Variants in NCAPD3 observed in about 807,000 individuals in gnomAD.
NCAPD3 encodes the protein condensin-2 complex subunit D3.
NCAPD3 carries 105 observed loss-of-function variants against 182.9 expected under a neutral mutation model. The ratio of observed to expected loss-of-function variants is 0.57; its 90% CI spans 0.49 to 0.68. The LOEUF is 0.68. NCAPD3 is among the 30% of genes least tolerant of loss of function. The pLI is 0.00. For missense variants in NCAPD3, 1,944 were observed against 1,837.0 expected, an observed-to-expected ratio of 1.06 and a Z score of -1.07; for synonymous variants, 815 against 679.9, an observed-to-expected ratio of 1.20 and a Z score of -3.09.
intron 25 of NCAPD3, 75 bp from the exon 26 acceptor site, chr11:134,168,677 C>A (rs1943930689): frequency 6.3e-7 from 1 of 1,582,106 alleles, no homozygotes. Flanking sequence ...ACTTTAACTG[C>A]ATCCTAAAAG....
chr11:134,191,278 TAAG>T (rs1381305280), intron 16 of NCAPD3, among the ~76,000 whole-genome samples: 1 of 152,018 alleles, frequency 6.6e-6, no homozygotes, highest in Admixed American at 6.5e-5. Flanking sequence ...CACTGGAAAA[TAAG>T]AAGAGTTGCC....
At chr11:134,196,944 G>A (rs1328565897) in intron 13 of NCAPD3, among the ~76,000 whole-genome samples, 1 of 152,156 alleles carries the variant, frequency 6.6e-6, no homozygotes, top group African/African-American at 2.4e-5. Context: ...ACCTCATGTT[G>A]AACTGTAACA....
chr11:134,171,286 ATTACCTTATTACAGCCTTGTAAAAAGAAG>A (rs1248045130), intron 24 of NCAPD3, among the ~76,000 whole-genome samples: 1 of 152,226 alleles, frequency 6.6e-6, no homozygotes, highest in Non-Finnish European at 1.5e-5. Flanking sequence ...AATCTGAGTG[ATTACCTTATTACAGCCTTGTAAAAAGAAG>A]TTATTACTCT....
chr11:134,225,341 G>A, upstream of NCAPD3: 1 of 1,613,692 alleles, frequency 6.2e-7, no homozygotes, highest in Non-Finnish European at 8.5e-7. Flanking sequence ...TCATCGGGCA[G>A]ATCGGTGAGT....
chr11:134,161,306 G>A (rs769131990), intron 28 of NCAPD3, among the ~76,000 whole-genome samples: 3 of 152,168 alleles, frequency 2.0e-5, no homozygotes, highest in Non-Finnish European at 4.4e-5. Flanking sequence ...AGCTCCTCAT[G>A]GTCCCCTTGC....
intron 27 of NCAPD3, among the ~76,000 whole-genome samples, chr11:134,163,088 T>C (rs1178378343): frequency 6.6e-6 from 1 of 151,856 alleles, no homozygotes; most frequent in African/African-American, 2.4e-5. Flanking sequence ...GAGGTGAGGA[T>C]GGAGGGAGGT....
intron 31 of NCAPD3, among the ~76,000 whole-genome samples, chr11:134,157,668 A>G (rs547851922): frequency 6.6e-6 from 1 of 152,292 alleles, no homozygotes; most frequent in South Asian, 2.1e-4. Flanking sequence ...ACAAAACAAA[A>G]CACGTGTGTG....
chr11:134,165,589 T>A (rs902754219), intron 27 of NCAPD3, among the ~76,000 whole-genome samples: 2 of 143,792 alleles, frequency 1.4e-5, no homozygotes, highest in African/African-American at 2.6e-5. Flanking sequence ...AGGGGCACAC[T>A]AGTGAGATGA....
intron 24 of NCAPD3, among the ~76,000 whole-genome samples, chr11:134,171,935 A>C (rs1452958749): frequency 1.3e-5 from 2 of 152,134 alleles, no homozygotes; most frequent in African/African-American, 2.4e-5. Context: ...TTCACCCACC[A>C]AATGTTCACG....
rs1944577400 is a variant in NCAPD3, at chr11:134,194,052, C to A, written c.1788G>T (p.Arg596=). 6.2e-7 allele frequency: 1 copy of A among 1,614,066 alleles called. No homozygotes were observed. The highest frequency in any genetic ancestry group is 1.3e-5 in the African/African-American group (1 of 74,938). ...DQCRDPAVSV[R]KQALQSLTEL... ...CAGTAAGAGACTGGAGGGCCTGCTT[C>A]CGGACAGACACTGCAGGGTCCCGAC... Residue 596 remains arginine (R), a synonymous_variant, in exon 15 of 35, where the codon CGG becomes CGT. Transcript: ENST00000534548.
At chr11:134,159,864 G>T in intron 29 of NCAPD3, 28 bp downstream of exon 29, 1 of 1,599,356 alleles carries the variant, frequency 6.3e-7, no homozygotes, top group Non-Finnish European at 8.5e-7. Flanking sequence ...GGACTGTCTG[G>T]TCACAGTGCA....
chr11:134,205,765 T>C (rs952076467), intron 8 of NCAPD3, among the ~76,000 whole-genome samples: 7 of 152,250 alleles, frequency 4.6e-5, no homozygotes, highest in African/African-American at 1.7e-4. Context: ...GCGACTGGCA[T>C]ATGAGAAACT....
At chr11:134,184,044 T>C (rs1344162005) in intron 19 of NCAPD3, among the ~76,000 whole-genome samples, 1 of 152,244 alleles carries the variant, frequency 6.6e-6, no homozygotes, top group East Asian at 1.9e-4. Flanking sequence ...AATTATTTCT[T>C]CAGTTACTGG....
chr11:134,196,207 T>C (rs911290494), intron 13 of NCAPD3, among the ~76,000 whole-genome samples: 1 of 152,202 alleles, frequency 6.6e-6, no homozygotes, highest in Non-Finnish European at 1.5e-5. Flanking sequence ...AAAGGAATAC[T>C]ATGAACAATT....
At chr11:134,225,309 C>T, upstream of NCAPD3, 2 of 1,614,052 alleles carry the variant, frequency 1.2e-6, no homozygotes, top group Admixed American at 1.7e-5. Flanking sequence ...GCGGCTGGAG[C>T]ACCAGGGCAT....
upstream of NCAPD3, chr11:134,224,166 G>A (rs1016196974): frequency 5.1e-6 from 3 of 594,044 alleles, no homozygotes; most frequent in East Asian, 2.8e-5. Flanking sequence ...CCGCTAATTC[G>A]TTCGAGAAGG....
In NCAPD3 at chr11:134,171,966, G is replaced by A. The variant is rs183917805; in HGVS notation, c.3102-2912C>T. On this transcript the variant is annotated intron_variant, in intron 24 of 34. Coordinates refer to ENST00000534548, the MANE Select transcript of NCAPD3 (RefSeq NM_015261.3). ...TCACGGCATGTCTGCTTGGTTTCGTGTTCCTTTTCTAGGGATGCGGAACAA... is the reference window on the plus strand; with the variant it reads ...TCACGGCATGTCTGCTTGGTTTCGTATTCCTTTTCTAGGGATGCGGAACAA... 6.5e-4 allele frequency among the ~76,000 whole-genome samples: 99 copies of A among 152,284 alleles called. 1 individual carries two copies. In the East Asian group the frequency reaches 0.015, roughly 23 times the overall value.
intron 27 of NCAPD3, among the ~76,000 whole-genome samples, chr11:134,164,448 G>C (rs1437770159): frequency 6.6e-6 from 1 of 152,258 alleles, no homozygotes; most frequent in Non-Finnish European, 1.5e-5. Context: ...TCTGGCAAGA[G>C]TTAAAGCCAT....
chr11:134,203,376 C>T (rs1179800119), intron 11 of NCAPD3, among the ~76,000 whole-genome samples, 178 bp from the exon 12 acceptor site: 2 of 152,172 alleles, frequency 1.3e-5, no homozygotes, highest in South Asian at 2.1e-4. Context: ...CATCCTAATA[C>T]GACCAATGCC....
Sources: gnomAD v4.1 joint callset for allele counts (sites outside exome capture counted in the v4.1 genomes callset) on GRCh38, gnomAD v4.1.1 for gene constraint, MANE v1.5 for transcripts, NCBI Gene and HGNC (gene_info 2026-07-23, HGNC 2026-07-21) for gene names.